Variants in CA14 observed in about 807,000 individuals in gnomAD.
CA14 encodes carbonic anhydrase 14, also known as CA-XIV.
A neutral mutation model predicts 48.8 loss-of-function variants in CA14; 44 were observed. The observed-to-expected ratio is 0.90, with a 90% CI of 0.71 to 1.16. The LOEUF (loss-of-function observed/expected upper bound fraction) is 1.16, where lower values mean the gene tolerates loss of function less well. CA14 is among the 50% of genes most tolerant of loss of function. The pLI is 0.00. For synonymous variants in CA14, 154 were observed against 155.0 expected, an observed-to-expected ratio of 0.99 and a Z score of 0.05; for missense variants, 386 against 401.0, an observed-to-expected ratio of 0.96 and a Z score of 0.32.
chr1:150,263,551 C>T, intron 8 of CA14, 108 bp from the exon 9 acceptor site: 2 of 1,610,500 alleles, frequency 1.2e-6, no homozygotes, highest in South Asian at 1.1e-5. Flanking sequence ...AACCAACCCC[C>T]ACCCCAGGGT....
chr1:150,264,446 G>C (rs868994329), intron 10 of CA14, 147 bp from the exon 11 acceptor site: 94 of 553,088 alleles, frequency 1.7e-4, no homozygotes, highest in Middle Eastern at 1.6e-3. Flanking sequence ...CAAGTGATCC[G>C]CCCGCCTCAG....
intron 1 of CA14, among the ~76,000 whole-genome samples, chr1:150,259,507 C>A (rs896346725): frequency 6.6e-6 from 1 of 151,844 alleles, no homozygotes; most frequent in South Asian, 2.1e-4. Flanking sequence ...CTAGAGTAGA[C>A]CCTGCCCTGA....
intron 1 of CA14, among the ~76,000 whole-genome samples, chr1:150,258,965 A>G (rs1047760206): frequency 6.6e-6 from 1 of 152,216 alleles, no homozygotes; most frequent in Non-Finnish European, 1.5e-5. Flanking sequence ...GGGGGCAGGC[A>G]GGCAGCCAAA....
At chr1:150,260,078 G>C in intron 1 of CA14, 73 bp from the exon 2 acceptor site, 1 of 1,443,354 alleles carries the variant, frequency 6.9e-7, no homozygotes, top group Non-Finnish European at 9.7e-7. Context: ...GAATGCCAGA[G>C]GGAGGGGAGT....
intron 9 of CA14, 30 bp from the exon 10 acceptor site, chr1:150,263,764 G>A: frequency 6.2e-7 from 1 of 1,610,246 alleles, no homozygotes; most frequent in Non-Finnish European, 8.5e-7. Flanking sequence ...TTAGTCCTAG[G>A]CTGACACCTT....
At chr1:150,259,052 A>C (rs1650780310) in intron 1 of CA14, among the ~76,000 whole-genome samples, 1 of 152,164 alleles carries the variant, frequency 6.6e-6, no homozygotes, top group Non-Finnish European at 1.5e-5. Flanking sequence ...AAGTGTGTTG[A>C]GGCTCTGACC....
chr1:150,262,498 G>C, intron 4 of CA14, 27 bp from the exon 5 acceptor site: 1 of 1,582,866 alleles, frequency 6.3e-7, no homozygotes, highest in South Asian at 1.1e-5. Flanking sequence ...GACATTCCAT[G>C]ATTCAATTCC....
chr1:150,258,635 C>T (rs1262166749), intron 1 of CA14, among the ~76,000 whole-genome samples: 1 of 152,202 alleles, frequency 6.6e-6, no homozygotes, highest in Non-Finnish European at 1.5e-5. Flanking sequence ...CAATTCATCC[C>T]CTTTTGGCCA....
In CA14 at chr1:150,262,573, G is replaced by A. The variant is rs892798341; in HGVS notation, c.448G>A (p.Ala150Thr). The A allele has an allele frequency of 6.2e-7, 1 of 1,613,936 alleles. No individual in the cohort carries two copies. Among genetic ancestry groups the A allele is most frequent in the Admixed American group, 1.7e-5 (1 of 59,982 alleles). ...TGATTCCTATGACAGCTTGAGTGAG[G>A]CTGCTGAGAGGCCTCAGGGCCTGGC... ...DSDSYDSLSE[A>T]AERPQGLAVL... Residue 150 changes from alanine (A) to threonine (T), a missense_variant, in exon 5 of 11, where the codon GCT becomes ACT. Physicochemically the swap from Ala to Thr is moderately conservative, Grantham distance 58. Transcript: ENST00000369111.
intron 10 of CA14, among the ~76,000 whole-genome samples, chr1:150,264,327 T>C (rs1349004356): frequency 6.6e-6 from 1 of 152,074 alleles, no homozygotes; most frequent in Non-Finnish European, 1.5e-5. Context: ...CTCAGCCTCC[T>C]GAGTAGGTGG....
At chr1:150,258,277 C>A in intron 1 of CA14, 94 bp downstream of exon 1, 1 of 1,019,482 alleles carries the variant, frequency 9.8e-7, no homozygotes, top group African/African-American at 1.6e-5. Flanking sequence ...TGAAAGGAAG[C>A]CTAGAGGCTG....
Position 150,263,080 on chromosome 1 carries a change from C to T in CA14, c.601C>T (p.Leu201=), listed in dbSNP as rs782211822. Residue 201 remains leucine (L), a synonymous_variant, in exon 7 of 11, where the codon CTG becomes TTG. Coordinates refer to ENST00000369111, the MANE Select transcript of CA14 (RefSeq NM_012113.3). ...AGTGCCTCCCTTCAACCTAAGAGAGCTGCTCCCCAAACAGCTGGGGCAGTA... is the reference window on the plus strand; with the variant it reads ...AGTGCCTCCCTTCAACCTAAGAGAGTTGCTCCCCAAACAGCTGGGGCAGTA... ...TSVPPFNLRE[L]LPKQLGQYFR... is the part of the protein sequence containing the mutation. 7 of 1,614,134 alleles carry T rather than the reference C, an allele frequency of 4.3e-6. No individual in the cohort carries two copies. The highest frequency in any genetic ancestry group is 1.6e-4 in the Middle Eastern group (1 of 6,062).
intron 10 of CA14, among the ~76,000 whole-genome samples, chr1:150,264,304 G>A (rs782026128): frequency 6.6e-6 from 1 of 152,126 alleles, no homozygotes; most frequent in Non-Finnish European, 1.5e-5. Flanking sequence ...CCGGGCTCAA[G>A]TGGTCCTCCC....
chr1:150,262,407 T>C (rs1300720160), intron 4 of CA14, 107 bp downstream of exon 4: 2 of 1,497,534 alleles, frequency 1.3e-6, no homozygotes, highest in East Asian at 2.3e-5. Context: ...ATAAGGCCAA[T>C]CTCTGAGGGA....
chr1:150,258,595 T>C (rs1270939054), intron 1 of CA14, among the ~76,000 whole-genome samples: 1 of 152,158 alleles, frequency 6.6e-6, no homozygotes, highest in Non-Finnish European at 1.5e-5. Flanking sequence ...GGGGGAAGAA[T>C]ACTTCCTGCC....
chr1:150,263,046 G>A lies in CA14; in HGVS notation c.567G>A (p.Gln189=). The change falls in exon 7 of 11, where the codon CAG becomes CAA. Residue 189 remains glutamine (Q), a synonymous_variant. Transcript: ENST00000369111. ...GTCCCAGTCTGTTCTCCCCAGATCAGAAGACCTCAGTGCCTCCCTTCAACC... is the reference window on the plus strand; with the variant it reads ...GTCCCAGTCTGTTCTCCCCAGATCAAAAGACCTCAGTGCCTCCCTTCAACC... ...SHLHEVRHKD[Q]KTSVPPFNLR... 6.2e-7 allele frequency: 1 copy of A among 1,614,066 alleles called. No homozygotes were observed. Among genetic ancestry groups the A allele is most frequent in the Non-Finnish European group, 8.5e-7 (1 of 1,179,980 alleles).
intron 2 of CA14, 99 bp downstream of exon 2, chr1:150,260,270 C>T: frequency 3.5e-6 from 4 of 1,155,414 alleles, no homozygotes; most frequent in Non-Finnish European, 5.2e-6. Context: ...CTTCCTTTAC[C>T]TTCTCACCCT....
chr1:150,263,662 G>A lies in CA14; in HGVS notation c.845G>A (p.Gly282Glu), dbSNP rs1553848536. The A allele has an allele frequency of 1.9e-6, 3 of 1,614,016 alleles. No individual in the cohort carries two copies. Among genetic ancestry groups the A allele is most frequent in the Non-Finnish European group, 2.5e-6 (3 of 1,179,932 alleles). ...RMVFASFIQAGSSYTTGEMLS... is the reference protein window; with the variant it reads ...RMVFASFIQAESSYTTGEMLS... Reference sequence around the variant, plus strand: ...GACCCATTTTCTTCTCTTACAGCAGGATCCTCGTATACCACAGGTAAGCCA... The same window carrying A: ...GACCCATTTTCTTCTCTTACAGCAGAATCCTCGTATACCACAGGTAAGCCA... The change falls in exon 9 of 11, where the codon GGA (glycine) becomes GAA (glutamate). Residue 282 changes from glycine to glutamate, a missense_variant. Gly to Glu is a moderately conservative substitution (Grantham distance 98). Transcript: ENST00000369111.
chr1:150,258,044 C>G lies in CA14; in HGVS notation c.-85C>G, dbSNP rs1426796305. ...GCTCGCTCGCTCTCTCTCTCTCTCT[C>G]TCACTCCTCCCTCCCTCTCTCTCTG... On this transcript the variant is annotated 5_prime_UTR_variant, in exon 1 of 11. Coordinates refer to ENST00000369111, the MANE Select transcript of CA14 (RefSeq NM_012113.3). The G allele has an allele frequency of 3.0e-6, 3 of 1,002,714 alleles. No individual in the cohort carries two copies. The Admixed American group carries it at 6.9e-5, about 23-fold the overall frequency. The allele number at this position is 1,002,714 out of a possible 1,614,324, so 62.1% of individuals were successfully genotyped here. A position where few individuals can be genotyped will look rare whatever the true frequency, so the allele number is the denominator to read the frequency against.
Sources: gnomAD v4.1 joint callset for allele counts (sites outside exome capture counted in the v4.1 genomes callset) on GRCh38, gnomAD v4.1.1 for gene constraint, MANE v1.5 for transcripts, NCBI Gene and HGNC (gene_info 2026-07-23, HGNC 2026-07-21) for gene names.